The following ANO2 variants were observed in gnomAD, a reference collection of about 807,000 sequenced individuals.
ANO2 encodes the protein anoctamin 2, also known as anoctamin-2.
ANO2 carries 101 observed loss-of-function variants against 124.2 expected under a neutral mutation model. That is an observed-to-expected ratio of 0.81 (90% confidence interval 0.69 to 0.96). The LOEUF is 0.96. Ranked by LOEUF, ANO2 falls within the 40% of genes least tolerant of loss-of-function variation. The pLI is 0.00. For synonymous variants in ANO2, 486 were observed against 482.5 expected, an observed-to-expected ratio of 1.01 and a Z score of -0.09; for missense variants, 1,293 against 1,274.5, an observed-to-expected ratio of 1.01 and a Z score of -0.22.
At chr12:5,859,464 G>A (rs957003253) in intron 3 of ANO2, among the ~76,000 whole-genome samples, 20 of 152,206 alleles carry the variant, frequency 1.3e-4, no homozygotes, top group Admixed American at 3.9e-4. Flanking sequence ...CCAAGAAGAC[G>A]GTGTGAGTAC....
chr12:5,569,276 C>T (rs1455439666), intron 23 of ANO2, among the ~76,000 whole-genome samples: 2 of 152,168 alleles, frequency 1.3e-5, no homozygotes, highest in African/African-American at 2.4e-5. Context: ...GCTTGGGGAG[C>T]TCGGGCCTCC....
chr12:5,705,194 T>C (rs1159869602), intron 14 of ANO2, among the ~76,000 whole-genome samples: 1 of 152,234 alleles, frequency 6.6e-6, no homozygotes, highest in Non-Finnish European at 1.5e-5. Context: ...TTATGCTGGG[T>C]GTTAGCTATG....
rs759047811 is a variant in ANO2, at chr12:5,563,512, C to T, written c.2784G>A (p.Thr928=). The change falls in exon 25 of 25, where the codon ACG becomes ACA. Residue 928 remains threonine (T), a synonymous_variant. Coordinates refer to ENST00000682330, the MANE Select transcript of ANO2 (RefSeq NM_001364791.2). Reference sequence around the variant, plus strand: ...CTTTCTTGATCTGGTCGCTGATGTCCGTGGGGATGTCTGGAATCATCCAGT... The same window carrying T: ...CTTTCTTGATCTGGTCGCTGATGTCTGTGGGGATGTCTGGAATCATCCAGT... ...LVDWMIPDIP[T]DISDQIKKEK... 1.3e-5 allele frequency: 21 copies of T among 1,613,846 alleles called. No individual in the cohort carries two copies. Among genetic ancestry groups the T allele is most frequent in the South Asian group, 7.7e-5 (7 of 91,080 alleles).
chr12:5,825,988 G>A (rs1330528417), intron 7 of ANO2, among the ~76,000 whole-genome samples: 5 of 152,170 alleles, frequency 3.3e-5, no homozygotes, highest in African/African-American at 4.8e-5. Context: ...CTGCAGAAAC[G>A]AGGACTGCCA....
At chr12:5,704,118 A>C (rs1255215941) in intron 14 of ANO2, among the ~76,000 whole-genome samples, 3 of 152,196 alleles carry the variant, frequency 2.0e-5, no homozygotes, top group Non-Finnish European at 4.4e-5. Context: ...TCAAAAGAAC[A>C]AAAAGATTGG....
chr12:5,860,025 C>T (rs73255190), intron 3 of ANO2, among the ~76,000 whole-genome samples: 2,635 of 152,216 alleles, frequency 0.017, 69 homozygotes, highest in African/African-American at 0.056. Flanking sequence ...ACAGCAAGCC[C>T]GATAATTTGC....
rs570381071 is a variant in ANO2, at chr12:5,645,131, A to T, written c.1620+2596T>A. Among the ~76,000 whole-genome samples the T allele has an allele frequency of 1.1e-4, 16 of 151,914 alleles. No homozygotes were observed. In the East Asian group the frequency reaches 3.1e-3, roughly 29 times the overall value. On this transcript the variant is annotated intron_variant, in intron 15 of 24. Transcript: ENST00000682330. ...TCAAATTAGGAAACCACCAGTCCTT[A>T]TATCTCCCTCATTACCTGTTCTCTT... is the stretch of plus-strand genomic sequence containing the variant.
In ANO2 at chr12:5,583,436, A is replaced by G. The variant is rs536302492; in HGVS notation, c.2234-4918T>C. On this transcript the variant is annotated intron_variant, in intron 20 of 24. Transcript: ENST00000682330. ...TGGGAGGCCGAGGCGGGCGGATCAC[A>G]AGGTCAGGAGATCGAGACCATCTTG... Among the ~76,000 whole-genome samples the G allele has an allele frequency of 4.2e-3, 634 of 151,902 alleles. 1 individual carries two copies. The highest frequency in any genetic ancestry group is 0.01 in the Middle Eastern group (3 of 294).
At chr12:5,867,801 C>A (rs59228109) in intron 3 of ANO2, among the ~76,000 whole-genome samples, 32,477 of 96,940 alleles carry the variant, frequency 0.34, 5,260 homozygotes, top group Middle Eastern at 0.48. Flanking sequence ...AAAAAAAAAA[C>A]CAGTGGATTT....
chr12:5,621,781 GA>G (rs1428992219), intron 16 of ANO2, among the ~76,000 whole-genome samples: 1 of 151,830 alleles, frequency 6.6e-6, no homozygotes, highest in African/African-American at 2.4e-5. Flanking sequence ...AGAGATTAGG[GA>G]AACAGGCAGA....
At chr12:5,828,261 G>A (rs939712517) in intron 6 of ANO2, among the ~76,000 whole-genome samples, 3 of 152,024 alleles carry the variant, frequency 2.0e-5, no homozygotes, top group Non-Finnish European at 2.9e-5. Context: ...GGGGAGGGGC[G>A]GGCCCCCTCC....
At chr12:5,776,219 C>G (rs964407320) in intron 10 of ANO2, among the ~76,000 whole-genome samples, 1 of 152,216 alleles carries the variant, frequency 6.6e-6, no homozygotes, top group Non-Finnish European at 1.5e-5. Context: ...TGTGCACACC[C>G]TATCCCATGC....
intron 19 of ANO2, among the ~76,000 whole-genome samples, chr12:5,602,383 T>C (rs964851373): frequency 1.7e-4 from 26 of 152,122 alleles, no homozygotes; most frequent in African/African-American, 6.3e-4. Flanking sequence ...CCCAAGTAGC[T>C]AGGACTACAG....
At chr12:5,829,226 G>A (rs1954077844) in intron 6 of ANO2, among the ~76,000 whole-genome samples, 2 of 152,120 alleles carry the variant, frequency 1.3e-5, no homozygotes, top group South Asian at 4.2e-4. Context: ...CGAGTACTTT[G>A]CAATTATCGA....
intron 14 of ANO2, among the ~76,000 whole-genome samples, chr12:5,707,330 A>G (rs769928864): frequency 2.6e-5 from 4 of 152,236 alleles, no homozygotes; most frequent in Non-Finnish European, 4.4e-5. Flanking sequence ...TTTCCTTTAT[A>G]AACTACTCAG....
intron 14 of ANO2, among the ~76,000 whole-genome samples, chr12:5,729,777 A>G (rs1272835719): frequency 2.0e-5 from 3 of 152,162 alleles, no homozygotes; most frequent in Non-Finnish European, 2.9e-5. Context: ...CATCAACTGC[A>G]TCGATAAATA....
At chr12:5,588,986 C>T (rs1295651541) in intron 20 of ANO2, among the ~76,000 whole-genome samples, 1 of 152,212 alleles carries the variant, frequency 6.6e-6, no homozygotes, top group Non-Finnish European at 1.5e-5. Flanking sequence ...AGGAGAGACG[C>T]TCACTCTGCC....
intron 14 of ANO2, among the ~76,000 whole-genome samples, chr12:5,690,679 C>T (rs944168624): frequency 6.6e-6 from 1 of 152,092 alleles, no homozygotes; most frequent in Admixed American, 6.5e-5. Context: ...AACACATAGG[C>T]TGGGAGTGGA....
chr12:5,891,486 G>C (rs1196337025), intron 3 of ANO2, among the ~76,000 whole-genome samples: 1 of 152,174 alleles, frequency 6.6e-6, no homozygotes, highest in East Asian at 1.9e-4. Flanking sequence ...CTGGCTGAAG[G>C]ATGGCAAAGA....
Sources: gnomAD v4.1 joint callset for allele counts (sites outside exome capture counted in the v4.1 genomes callset) on GRCh38, gnomAD v4.1.1 for gene constraint, MANE v1.5 for transcripts, NCBI Gene and HGNC (gene_info 2026-07-23, HGNC 2026-07-21) for gene names.